The following SETBP1 variants were observed in gnomAD, a reference collection of about 807,000 sequenced individuals.
SETBP1 encodes the protein SET binding protein 1.
SETBP1 carries 9 observed loss-of-function variants against 101.0 expected under a neutral mutation model. The observed-to-expected ratio is 0.09, with a 90% CI of 0.05 to 0.16. The LOEUF (loss-of-function observed/expected upper bound fraction) is 0.16. Ranked by LOEUF, SETBP1 falls within the 10% of genes least tolerant of loss-of-function variation. SETBP1 has a pLI of 1.00. For missense variants in SETBP1, 1,858 were observed against 2,033.8 expected (o/e 0.91, Z 1.66); for synonymous variants, 818 against 788.5 (o/e 1.04, Z -0.63).
At chr18:45,013,191 T>C (rs1599447375) in intron 4 of SETBP1, among the ~76,000 whole-genome samples, 1 of 152,318 alleles carries the variant, frequency 6.6e-6, no homozygotes, top group East Asian at 1.9e-4. Context: ...CTGCCATTCC[T>C]GGAGGCTGAG....
chr18:44,984,383 G>A (rs2072183199), intron 4 of SETBP1, among the ~76,000 whole-genome samples: 1 of 152,116 alleles, frequency 6.6e-6, no homozygotes, highest in Non-Finnish European at 1.5e-5. Context: ...TTAGGAATAT[G>A]CAAGCTAGAT....
intron 5 of SETBP1, among the ~76,000 whole-genome samples, chr18:45,039,699 T>C (rs2073471917): frequency 6.6e-6 from 1 of 152,246 alleles, no homozygotes; most frequent in Admixed American, 6.5e-5. Context: ...GAAAGCCCTG[T>C]TAGAAACCCA....
chr18:44,927,409 C>T (rs2070729834), intron 3 of SETBP1, among the ~76,000 whole-genome samples: 1 of 152,188 alleles, frequency 6.6e-6, no homozygotes, highest in South Asian at 2.1e-4. Flanking sequence ...TCAGCACCCT[C>T]ACCCCAAAGC....
intron 2 of SETBP1, among the ~76,000 whole-genome samples, chr18:44,799,553 G>A (rs2071556501): frequency 6.6e-6 from 1 of 152,088 alleles, no homozygotes; most frequent in Non-Finnish European, 1.5e-5. Context: ...TGGGTGTAGG[G>A]AAACCACAAA....
intron 3 of SETBP1, among the ~76,000 whole-genome samples, chr18:44,935,956 A>G (rs1319845333): frequency 6.6e-6 from 1 of 152,338 alleles, no homozygotes; most frequent in East Asian, 1.9e-4. Flanking sequence ...CAAAGAGGAG[A>G]CAAGAATGTG....
intron 2 of SETBP1, among the ~76,000 whole-genome samples, chr18:44,755,124 C>G (rs1469476280): frequency 6.6e-6 from 1 of 152,156 alleles, no homozygotes; most frequent in Non-Finnish European, 1.5e-5. Context: ...AATGAAGGAT[C>G]TTGGACAAAA....
intron 2 of SETBP1, among the ~76,000 whole-genome samples, chr18:44,861,743 T>C (rs1217231509): frequency 6.6e-6 from 1 of 152,196 alleles, no homozygotes; most frequent in Non-Finnish European, 1.5e-5. Context: ...AATGCTGATA[T>C]TAACATCCAT....
At chr18:44,760,948 A>G (rs2070626325) in intron 2 of SETBP1, among the ~76,000 whole-genome samples, 1 of 152,212 alleles carries the variant, frequency 6.6e-6, no homozygotes, top group Non-Finnish European at 1.5e-5. Flanking sequence ...GATTAATGTG[A>G]CATAGTATCT....
chr18:44,845,904 C>T (rs1298720908), intron 2 of SETBP1, among the ~76,000 whole-genome samples: 1 of 152,164 alleles, frequency 6.6e-6, no homozygotes, highest in Admixed American at 6.5e-5. Context: ...AATACCTCTT[C>T]CCAGGGTAAA....
intron 2 of SETBP1, among the ~76,000 whole-genome samples, chr18:44,823,635 C>T (rs1361008277): frequency 4.6e-5 from 7 of 152,108 alleles, no homozygotes; most frequent in Admixed American, 1.3e-4. Flanking sequence ...GTTCAAACCT[C>T]GATGCAGAGC....
At chr18:45,048,539 A>C (rs1390152302) in intron 5 of SETBP1, among the ~76,000 whole-genome samples, 1 of 152,188 alleles carries the variant, frequency 6.6e-6, no homozygotes, top group African/African-American at 2.4e-5. Flanking sequence ...ACACAGTCCA[A>C]GTCCCCTACC....
At chr18:44,740,945 C>G (rs566748543) in intron 2 of SETBP1, among the ~76,000 whole-genome samples, 55 of 152,196 alleles carry the variant, frequency 3.6e-4, no homozygotes, top group African/African-American at 1.3e-3. Flanking sequence ...TCAGTTCTCT[C>G]GGAAATATGG....
At chr18:44,720,076 C>T (rs2069552997) in intron 2 of SETBP1, among the ~76,000 whole-genome samples, 2 of 152,278 alleles carry the variant, frequency 1.3e-5, no homozygotes, top group East Asian at 3.9e-4. Flanking sequence ...CTGTTGTGTG[C>T]TCATACACAT....
chr18:44,762,295 T>C (rs1413309962), intron 2 of SETBP1, among the ~76,000 whole-genome samples: 2 of 152,212 alleles, frequency 1.3e-5, no homozygotes, highest in Non-Finnish European at 2.9e-5. Context: ...CAGCAGCCTG[T>C]TCTTGGTATT....
chr18:44,814,722 C>A (rs1355224892), intron 2 of SETBP1, among the ~76,000 whole-genome samples: 1 of 152,218 alleles, frequency 6.6e-6, no homozygotes, highest in Non-Finnish European at 1.5e-5. Flanking sequence ...TGAGCTGTAA[C>A]CTCTGATGTC....
Position 44,971,103 on chromosome 18 carries a change from C to T in SETBP1, c.4000+17763C>T, listed in dbSNP as rs548711695. On this transcript the variant is annotated intron_variant, in intron 4 of 5. Transcript: ENST00000649279. ...ATGTATTCTCATTGTTCAATTCCCACCTATGAGTGAGAACATGCGGTGTTT... is the reference window on the plus strand; with the variant it reads ...ATGTATTCTCATTGTTCAATTCCCATCTATGAGTGAGAACATGCGGTGTTT... Among the ~76,000 whole-genome samples, 1,181 of 151,730 alleles carry T rather than the reference C, an allele frequency of 7.8e-3. 6 individuals carry two copies. The highest frequency in any genetic ancestry group is 0.013 in the Admixed American group (199 of 15,250).
intron 2 of SETBP1, among the ~76,000 whole-genome samples, chr18:44,706,836 C>A (rs1368256928): frequency 6.6e-6 from 1 of 152,068 alleles, no homozygotes; most frequent in Non-Finnish European, 1.5e-5. Context: ...GAATCTGGAT[C>A]TGCAGTATGA....
chr18:45,021,636 A>G (rs905788511), intron 4 of SETBP1, among the ~76,000 whole-genome samples: 5 of 152,212 alleles, frequency 3.3e-5, no homozygotes, highest in Admixed American at 6.5e-5. Flanking sequence ...TAAAGAGAAG[A>G]AGAAAAATTG....
chr18:45,022,216 G>A (rs1057071822), intron 4 of SETBP1, among the ~76,000 whole-genome samples: 2 of 152,076 alleles, frequency 1.3e-5, no homozygotes, highest in Non-Finnish European at 2.9e-5. Flanking sequence ...TCAAACTCCA[G>A]GCACTATTCC....
Sources: gnomAD v4.1 joint callset for allele counts (sites outside exome capture counted in the v4.1 genomes callset) on GRCh38, gnomAD v4.1.1 for gene constraint, MANE v1.5 for transcripts, NCBI Gene and HGNC (gene_info 2026-07-23, HGNC 2026-07-21) for gene names.